TTC6: variants seen among roughly 807,000 people sequenced by gnomAD.
TTC6 encodes the protein tetratricopeptide repeat domain 6.
TTC6 carries 172 observed loss-of-function variants against 210.4 expected under a neutral mutation model. The ratio of observed to expected loss-of-function variants is 0.82; its 90% CI spans 0.72 to 0.93. The LOEUF (loss-of-function observed/expected upper bound fraction) is 0.93. TTC6 is among the 40% of genes least tolerant of loss of function. The pLI, the probability that TTC6 is intolerant of heterozygous loss-of-function variation, is 0.00. For missense variants in TTC6, 2,414 were observed against 2,318.1 expected, an observed-to-expected ratio of 1.04 and a Z score of -0.85; for synonymous variants, 804 against 819.6, an observed-to-expected ratio of 0.98 and a Z score of 0.32.
chr14:37,669,140 G>A (rs1319460421), intron 1 of TTC6, among the ~76,000 whole-genome samples: 5 of 152,216 alleles, frequency 3.3e-5, no homozygotes, highest in African/African-American at 1.2e-4. Context: ...TGTGGTAAAA[G>A]TTTCCACACC....
chr14:37,722,535 G>GT (rs2095863947), intron 6 of TTC6, among the ~76,000 whole-genome samples: 1 of 152,098 alleles, frequency 6.6e-6, no homozygotes, highest in African/African-American at 2.4e-5. Flanking sequence ...TTTTTGTAGG[G>GT]TCTTACTATG....
intron 14 of TTC6, among the ~76,000 whole-genome samples, chr14:37,774,552 G>A (rs549295141): frequency 2.6e-5 from 4 of 152,228 alleles, no homozygotes; most frequent in Admixed American, 2.0e-4. Context: ...TGATTTGCAC[G>A]TGTGTAAACA....
intron 10 of TTC6, among the ~76,000 whole-genome samples, chr14:37,742,747 C>T (rs2095924569): frequency 1.3e-5 from 2 of 152,136 alleles, no homozygotes; most frequent in Non-Finnish European, 2.9e-5. Context: ...TCATTTATCA[C>T]TCTGCTTCTC....
chr14:37,622,118 G>A, exon 1 of TTC6: 1 of 1,535,476 alleles, frequency 6.5e-7, no homozygotes, highest in East Asian at 2.5e-5. Context: ...AATCGTATAT[G>A]TTTAAAGAGC....
At chr14:37,783,124 G>C (rs369722712) in intron 14 of TTC6, among the ~76,000 whole-genome samples, 1 of 152,066 alleles carries the variant, frequency 6.6e-6, no homozygotes, top group Non-Finnish European at 1.5e-5. Context: ...GCTTTGGTAT[G>C]AGGATGATGC....
rs1046606178 is a variant in TTC6 at position 37,724,148 on chromosome 14, GT to G, written c.1714-744del. Among the ~76,000 whole-genome samples the G allele has an allele frequency of 2.4e-4, 36 of 151,942 alleles. 1 individual carries two copies. Among genetic ancestry groups the G allele is most frequent in the Admixed American group, 6.6e-5 (1 of 15,234 alleles). ...TAACATTTTGTCATACTTGTTTCAT[GT>G]TTTTTAAAATAAAAATTTAAAAATT... On this transcript the variant is annotated intron_variant, in intron 6 of 30. Coordinates refer to ENST00000553443, the Ensembl canonical transcript of TTC6.
chr14:37,606,709 G>C, exon 2 of TTC6: 2 of 985,220 alleles, frequency 2.0e-6, no homozygotes, highest in Non-Finnish European at 2.4e-6. Flanking sequence ...GGCCCTGAGT[G>C]ATGAGGAGAG....
intron 10 of TTC6, among the ~76,000 whole-genome samples, chr14:37,746,927 A>C (rs1007085045): frequency 1.3e-5 from 2 of 152,194 alleles, no homozygotes; most frequent in African/African-American, 2.4e-5. Flanking sequence ...ACCTCCTTGC[A>C]TGTTAACATC....
chr14:37,698,625 C>T (rs1292304891), intron 4 of TTC6, among the ~76,000 whole-genome samples: 1 of 152,036 alleles, frequency 6.6e-6, no homozygotes, highest in Non-Finnish European at 1.5e-5. Flanking sequence ...TTAGACTTAC[C>T]TCTCTTTTCC....
At chr14:37,790,912 C>T in intron 16 of TTC6, 75 bp downstream of exon 18, 1 of 1,297,268 alleles carries the variant, frequency 7.7e-7, no homozygotes, top group African/African-American at 1.5e-5. Flanking sequence ...GAAAAAGTTT[C>T]TTTCCCCTCA....
chr14:37,795,198 G>A (rs1037374786), intron 17 of TTC6, 72 bp from the exon 20 acceptor site: 31 of 1,022,268 alleles, frequency 3.0e-5, no homozygotes, highest in Non-Finnish European at 3.7e-5. Context: ...TAGAAAGGGT[G>A]GGAGAGGATA....
At position 37,701,319 on chromosome 14, in the gene TTC6, T is replaced by G. The variant is rs1437370155; in HGVS notation, c.1377-13T>G. 5.1e-6 allele frequency: 7 copies of G among 1,373,982 alleles called. No individual in the cohort carries two copies. The highest frequency in any genetic ancestry group is 5.6e-6 in the Non-Finnish European group (6 of 1,065,312). 85.1% of individuals were successfully genotyped at this position (1,373,982 alleles called of 1,614,324 possible). On this transcript the variant is annotated splice_polypyrimidine_tract_variant and intron_variant, in intron 4 of 30. Transcript: ENST00000553443. ...AATGATGAAAGGAGCTCACTTTCTTTTCTCTGTTGCAGAATTCCACAAGAC... is the reference window on the plus strand; with the variant it reads ...AATGATGAAAGGAGCTCACTTTCTTGTCTCTGTTGCAGAATTCCACAAGAC...
intron 14 of TTC6, among the ~76,000 whole-genome samples, chr14:37,756,247 G>T: frequency 6.6e-6 from 1 of 152,158 alleles, no homozygotes; most frequent in East Asian, 1.9e-4. Flanking sequence ...GGAGATTTGG[G>T]GCTGAGATGA....
chr14:37,722,364 A>AG (rs1216138920), intron 6 of TTC6, among the ~76,000 whole-genome samples: 4 of 152,080 alleles, frequency 2.6e-5, no homozygotes, highest in Non-Finnish European at 5.9e-5. Flanking sequence ...TACCATGGTT[A>AG]GTCTTATTTA....
intron 10 of TTC6, among the ~76,000 whole-genome samples, chr14:37,743,901 TGGATGG>T (rs1304272358): frequency 6.6e-6 from 1 of 152,166 alleles, no homozygotes; most frequent in African/African-American, 2.4e-5. Flanking sequence ...TAGGCAAATG[TGGATGG>T]GACATAGAAC....
intron 13 of TTC6, among the ~76,000 whole-genome samples, chr14:37,751,765 T>G (rs2095952687): frequency 6.6e-6 from 1 of 151,036 alleles, no homozygotes; most frequent in African/African-American, 2.4e-5. Context: ...ATGAAGGAAA[T>G]AAGGATGGTG....
chr14:37,807,312 CT>C lies in TTC6; in HGVS notation c.4315-7del. On this transcript the variant is annotated splice_polypyrimidine_tract_variant and splice_region_variant and intron_variant, in intron 22 of 30. Transcript: ENST00000553443. Reference sequence around the variant, plus strand: ...CCATTCCTGCTTTCTCTCTCTCTCTCTGAATAGGCATATTTAAGCCGAGTAG... The same window carrying C: ...CCATTCCTGCTTTCTCTCTCTCTCTCGAATAGGCATATTTAAGCCGAGTAG... The C allele has an allele frequency of 6.6e-7, 1 of 1,506,218 alleles. No homozygotes were observed. Among genetic ancestry groups the C allele is most frequent in the Non-Finnish European group, 8.9e-7 (1 of 1,126,070 alleles). 93.3% of individuals were successfully genotyped at this position (1,506,218 alleles called of 1,614,324 possible).
At chr14:37,714,692 G>A in exon 6 of TTC6, 1 of 1,535,558 alleles carries the variant, frequency 6.5e-7, no homozygotes, top group Non-Finnish European at 8.7e-7. Context: ...TGACAACCAA[G>A]AATATGTCCA....
intron 14 of TTC6, among the ~76,000 whole-genome samples, chr14:37,784,276 A>T (rs1342337942): frequency 6.6e-6 from 1 of 152,266 alleles, no homozygotes; most frequent in Admixed American, 6.5e-5. Flanking sequence ...GTAGGTCTCT[A>T]AGGACTTGCT....
Sources: gnomAD v4.1 joint callset for allele counts (sites outside exome capture counted in the v4.1 genomes callset) on GRCh38, gnomAD v4.1.1 for gene constraint, MANE v1.5 for transcripts, NCBI Gene and HGNC (gene_info 2026-07-23, HGNC 2026-07-21) for gene names.